The following DIAPH3 variants were observed in gnomAD, a reference collection of about 807,000 sequenced individuals.
The protein encoded by DIAPH3 is diaphanous related formin 3, also known as protein diaphanous homolog 3.
In DIAPH3, 117 loss-of-function variants were observed where a neutral mutation model predicts 144.3. That is an observed-to-expected ratio of 0.81 (90% CI 0.70 to 0.95). DIAPH3 has a LOEUF of 0.95. DIAPH3 is among the 40% of genes least tolerant of loss of function. The pLI is 0.00. For missense variants in DIAPH3, 1,421 were observed against 1,412.7 expected (o/e 1.01, Z -0.09); for synonymous variants, 519 against 488.9 (o/e 1.06, Z -0.81).
Position 59,877,190 on chromosome 13 carries a change from C to A in DIAPH3, c.2607+2039G>T, listed in dbSNP as rs77096601. The stretch of plus-strand genomic sequence containing the variant: ...ACAAGAGTAGAATAACAACAAAAAA[C>A]CCCTGATCTCATTCTCTTTTGAGCA... On this transcript the variant is annotated intron_variant, in intron 21 of 27. Coordinates refer to ENST00000400324, the MANE Select transcript of DIAPH3 (RefSeq NM_001042517.2). Among the ~76,000 whole-genome samples the A allele has an allele frequency of 4.8e-3, 728 of 151,870 alleles. 22 individuals are homozygous for A. In the East Asian group the frequency reaches 0.092, roughly 19 times the overall value.
At chr13:60,032,291 C>A (rs1488418855) in intron 5 of DIAPH3, among the ~76,000 whole-genome samples, 1 of 152,192 alleles carries the variant, frequency 6.6e-6, no homozygotes, top group Non-Finnish European at 1.5e-5. Flanking sequence ...CTAGGTAGTG[C>A]CCCACTGGGG....
At chr13:60,064,422 C>T (rs1004976046) in intron 4 of DIAPH3, among the ~76,000 whole-genome samples, 1 of 152,224 alleles carries the variant, frequency 6.6e-6, no homozygotes, top group African/African-American at 2.4e-5. Flanking sequence ...GCAGCTGCTA[C>T]ATCAGCATTT....
intron 2 of DIAPH3, among the ~76,000 whole-genome samples, chr13:60,120,241 A>C (rs930992030): frequency 7.9e-5 from 12 of 152,216 alleles, no homozygotes; most frequent in African/African-American, 2.7e-4. Flanking sequence ...TTTAAGCACT[A>C]GTGACATCAC....
chr13:59,705,068 C>A (rs1303558335), intron 27 of DIAPH3, among the ~76,000 whole-genome samples: 4 of 151,986 alleles, frequency 2.6e-5, no homozygotes, highest in African/African-American at 7.3e-5. Flanking sequence ...GTCTGACAGC[C>A]AAGAAAACAG....
At chr13:59,763,466 C>T (rs914256506) in intron 27 of DIAPH3, among the ~76,000 whole-genome samples, 1 of 152,026 alleles carries the variant, frequency 6.6e-6, no homozygotes, top group Admixed American at 6.6e-5. Context: ...CATTTGAACT[C>T]AGGAGTTTAA....
chr13:59,714,227 G>A (rs1333476739), intron 27 of DIAPH3, among the ~76,000 whole-genome samples: 1 of 150,918 alleles, frequency 6.6e-6, no homozygotes, highest in East Asian at 1.9e-4. Context: ...GGGCGTAGTG[G>A]CGGGCGCCTG....
At chr13:60,078,235 C>T (rs1055208633) in intron 4 of DIAPH3, among the ~76,000 whole-genome samples, 2 of 152,150 alleles carry the variant, frequency 1.3e-5, no homozygotes, top group Admixed American at 1.3e-4. Flanking sequence ...TTATATCTCA[C>T]TCAGTGCCCT....
intron 2 of DIAPH3, among the ~76,000 whole-genome samples, chr13:60,123,664 C>A (rs2058906929): frequency 6.6e-6 from 1 of 152,144 alleles, no homozygotes. Context: ...TCAGTCGCCC[C>A]AATCCATGCT....
intron 18 of DIAPH3, among the ~76,000 whole-genome samples, chr13:59,920,639 A>T (rs1243441376): frequency 1.3e-5 from 2 of 151,768 alleles, no homozygotes; most frequent in Non-Finnish European, 3.0e-5. Context: ...ATTGCAATAC[A>T]ATATTAGGAG....
At chr13:59,963,839 T>A (rs535582516) in intron 17 of DIAPH3, among the ~76,000 whole-genome samples, 1 of 152,190 alleles carries the variant, frequency 6.6e-6, no homozygotes, top group Non-Finnish European at 1.5e-5. Context: ...ATTAGAGGCA[T>A]GAGCCATTGT....
chr13:59,785,869 C>T (rs1471457033), intron 25 of DIAPH3, among the ~76,000 whole-genome samples: 1 of 152,214 alleles, frequency 6.6e-6, no homozygotes, highest in East Asian at 1.9e-4. Context: ...CTCTTCCTAT[C>T]TTAAATATGG....
At position 60,121,713 on chromosome 13, in the gene DIAPH3, T is replaced by C. The variant is rs567839621; in HGVS notation, c.214-9527A>G. The stretch of plus-strand genomic sequence containing the variant: ...GGTTTGGGAAGCCTGGAGGACTTGA[T>C]AGATATCAGATTAGAAGAATGAATG... On this transcript the variant is annotated intron_variant, in intron 2 of 27. Transcript: ENST00000400324. Among the ~76,000 whole-genome samples the C allele has an allele frequency of 2.9e-4, 44 of 152,246 alleles. No homozygotes were observed. In the South Asian group the frequency reaches 9.1e-3, roughly 32 times the overall value.
chr13:59,690,642 GGAAATTGCTTTGT>G (rs1235048029), intron 27 of DIAPH3, among the ~76,000 whole-genome samples: 2 of 152,092 alleles, frequency 1.3e-5, no homozygotes, highest in African/African-American at 4.8e-5. Context: ...TCTTTCTATG[GGAAATTGCTTTGT>G]GAATTCCAAA....
intron 4 of DIAPH3, among the ~76,000 whole-genome samples, chr13:60,085,201 T>C (rs1375745504): frequency 6.6e-6 from 1 of 152,154 alleles, no homozygotes; most frequent in Non-Finnish European, 1.5e-5. Flanking sequence ...CCTTTGATTA[T>C]TTCTACTAGT....
chr13:60,145,313 C>T (rs1169704781), intron 1 of DIAPH3, among the ~76,000 whole-genome samples: 1 of 152,142 alleles, frequency 6.6e-6, no homozygotes, highest in Non-Finnish European at 1.5e-5. Flanking sequence ...GAGCATAATT[C>T]CAATTGGATG....
intron 27 of DIAPH3, among the ~76,000 whole-genome samples, chr13:59,674,852 G>T (rs2032557047): frequency 6.6e-6 from 1 of 152,192 alleles, no homozygotes. Flanking sequence ...AGCACTTGTG[G>T]TCACCTGGAG....
At chr13:59,906,486 T>C (rs1028022402) in intron 20 of DIAPH3, among the ~76,000 whole-genome samples, 1 of 152,238 alleles carries the variant, frequency 6.6e-6, no homozygotes, top group African/African-American at 2.4e-5. Context: ...GTTATTTGAA[T>C]GTTTTACAAC....
chr13:59,749,002 T>A (rs2036843709), intron 27 of DIAPH3, among the ~76,000 whole-genome samples: 2 of 151,390 alleles, frequency 1.3e-5, no homozygotes, highest in Admixed American at 1.3e-4. Context: ...TTACTTGAGG[T>A]CAGGAGTTCG....
chr13:60,114,637 CAA>C (rs1172665934), intron 2 of DIAPH3, among the ~76,000 whole-genome samples: 5 of 108,472 alleles, frequency 4.6e-5, no homozygotes, highest in Non-Finnish European at 9.2e-5. Flanking sequence ...AAAAAGAATA[CAA>C]AAGACACACA....
Sources: gnomAD v4.1 joint callset for allele counts (sites outside exome capture counted in the v4.1 genomes callset) on GRCh38, gnomAD v4.1.1 for gene constraint, MANE v1.5 for transcripts, NCBI Gene and HGNC (gene_info 2026-07-23, HGNC 2026-07-21) for gene names.